The following ST6GALNAC3 variants were observed in gnomAD, a reference collection of about 807,000 sequenced individuals.
ST6GALNAC3 encodes ST6 N-acetylgalactosaminide alpha-2,6-sialyltransferase 3.
Under a neutral mutation model 32.7 loss-of-function variants are expected in ST6GALNAC3, and 25 were observed. The ratio of observed to expected loss-of-function variants is 0.76; its 90% CI spans 0.56 to 1.07. The LOEUF is 1.07. ST6GALNAC3 is among the 50% of genes least tolerant of loss of function. The pLI, the probability that ST6GALNAC3 is intolerant of heterozygous loss-of-function variation, is 0.00. For missense variants in ST6GALNAC3, 355 were observed against 382.4 expected (o/e 0.93, Z 0.60); for synonymous variants, 129 against 133.1 (o/e 0.97, Z 0.21).
At chr1:76,413,968 T>C (rs919006492) in intron 3 of ST6GALNAC3, among the ~76,000 whole-genome samples, 1 of 152,110 alleles carries the variant, frequency 6.6e-6, no homozygotes, top group Non-Finnish European at 1.5e-5. Context: ...GACATACCTA[T>C]AAGCCCTAGA....
chr1:76,543,510 T>A (rs559717935), intron 3 of ST6GALNAC3, among the ~76,000 whole-genome samples: 1 of 152,362 alleles, frequency 6.6e-6, no homozygotes, highest in African/African-American at 2.4e-5. Flanking sequence ...AATATGCAGA[T>A]AAATTATTCC....
chr1:76,175,407 C>T (rs551283347), intron 1 of ST6GALNAC3, among the ~76,000 whole-genome samples: 5 of 152,118 alleles, frequency 3.3e-5, no homozygotes, highest in African/African-American at 1.2e-4. Context: ...TTTGAGGCTA[C>T]GTATTACAAA....
At position 76,482,552 on chromosome 1, in the gene ST6GALNAC3, A is replaced by G. The variant is rs369751474; in HGVS notation, c.623+70135A>G. On this transcript the variant is annotated intron_variant, in intron 3 of 4. Transcript: ENST00000328299. The stretch of plus-strand genomic sequence containing the variant: ...CTCCACAGGCATTGTTGCATTTAAT[A>G]CAACAATTTTTAACAATTTTTAATA... 9.2e-5 allele frequency among the ~76,000 whole-genome samples: 14 copies of G among 152,232 alleles called. No individual in the cohort carries two copies. The East Asian group carries it at 2.7e-3, about 29-fold the overall frequency.
chr1:76,181,900 A>G (rs557475544), intron 1 of ST6GALNAC3, among the ~76,000 whole-genome samples: 1 of 152,354 alleles, frequency 6.6e-6, no homozygotes, highest in Non-Finnish European at 1.5e-5. Context: ...AACCAGCTGG[A>G]GGCAGATTTG....
intron 1 of ST6GALNAC3, among the ~76,000 whole-genome samples, chr1:76,110,556 A>G (rs1647851882): frequency 6.6e-6 from 1 of 152,252 alleles, no homozygotes; most frequent in South Asian, 2.1e-4. Context: ...AGCTCCCTGC[A>G]TCACTATAAA....
intron 3 of ST6GALNAC3, among the ~76,000 whole-genome samples, chr1:76,495,905 T>C (rs867666269): frequency 6.6e-6 from 1 of 152,160 alleles, no homozygotes; most frequent in Non-Finnish European, 1.5e-5. Context: ...AACCTTCCAA[T>C]TGAGTTTTGA....
intron 3 of ST6GALNAC3, among the ~76,000 whole-genome samples, chr1:76,579,782 GT>G (rs1646865830): frequency 6.6e-6 from 1 of 151,976 alleles, no homozygotes; most frequent in Non-Finnish European, 1.5e-5. Flanking sequence ...AGATCTAGAA[GT>G]TTTATTATAT....
chr1:76,195,280 A>G (rs1290508060), intron 1 of ST6GALNAC3, among the ~76,000 whole-genome samples: 2 of 152,228 alleles, frequency 1.3e-5, no homozygotes, highest in Non-Finnish European at 2.9e-5. Context: ...TCCTTTCAGG[A>G]AAAAATTATG....
intron 3 of ST6GALNAC3, among the ~76,000 whole-genome samples, chr1:76,521,724 T>A (rs1194586400): frequency 6.6e-6 from 1 of 152,204 alleles, no homozygotes; most frequent in Non-Finnish European, 1.5e-5. Context: ...ATTTTTGAGA[T>A]ATATTTTCAT....
chr1:76,195,534 G>T (rs1654154132), intron 1 of ST6GALNAC3, among the ~76,000 whole-genome samples: 1 of 152,218 alleles, frequency 6.6e-6, no homozygotes, highest in African/African-American at 2.4e-5. Context: ...TGGCTGTGAA[G>T]AGTACATGGC....
intron 3 of ST6GALNAC3, among the ~76,000 whole-genome samples, chr1:76,579,958 A>G (rs557911866): frequency 6.6e-6 from 1 of 152,176 alleles, no homozygotes; most frequent in East Asian, 1.9e-4. Context: ...TGGTATTCTT[A>G]TCTTCTCATA....
chr1:76,636,640 C>G (rs879140359), downstream of ST6GALNAC3, among the ~76,000 whole-genome samples: 1 of 152,054 alleles, frequency 6.6e-6, no homozygotes, highest in Non-Finnish European at 1.5e-5. Flanking sequence ...CTTTACTTCC[C>G]GAGACTTTCT....
intron 3 of ST6GALNAC3, among the ~76,000 whole-genome samples, chr1:76,468,933 A>G (rs1658837614): frequency 6.6e-6 from 1 of 151,910 alleles, no homozygotes; most frequent in African/African-American, 2.4e-5. Context: ...TGCAGGAAAA[A>G]ATAATTTCTT....
Position 76,116,425 on chromosome 1 carries a change from C to T in ST6GALNAC3, c.18+41541C>T, listed in dbSNP as rs151322346. Among the ~76,000 whole-genome samples, 5 of 152,174 alleles carry T rather than the reference C, an allele frequency of 3.3e-5. No homozygotes were observed. In the East Asian group the frequency reaches 9.7e-4, roughly 29 times the overall value. On this transcript the variant is annotated intron_variant, in intron 1 of 4. Coordinates refer to ENST00000328299, the MANE Select transcript of ST6GALNAC3 (RefSeq NM_152996.4). ...TTCCGCATTCTGGAAAATGCTTCTC[C>T]ATTTCTGTAGCTCCATGGTTACCAT...
At chr1:76,111,263 A>C (rs930189536) in intron 1 of ST6GALNAC3, among the ~76,000 whole-genome samples, 11 of 152,100 alleles carry the variant, frequency 7.2e-5, no homozygotes, top group African/African-American at 2.7e-4. Flanking sequence ...CTTGTATGGA[A>C]ATAAAATATT....
At chr1:76,426,654 A>G (rs2101414469) in intron 3 of ST6GALNAC3, among the ~76,000 whole-genome samples, 1 of 151,982 alleles carries the variant, frequency 6.6e-6, no homozygotes, top group East Asian at 1.9e-4. Flanking sequence ...ACATAAGCCT[A>G]GTAACATAGT....
intron 3 of ST6GALNAC3, among the ~76,000 whole-genome samples, chr1:76,586,120 G>C (rs1646958783): frequency 6.6e-6 from 1 of 152,110 alleles, no homozygotes; most frequent in Admixed American, 6.6e-5. Context: ...CTTCTTTTCA[G>C]AGCATGTGGC....
chr1:76,418,473 G>C (rs1166953689), intron 3 of ST6GALNAC3, among the ~76,000 whole-genome samples: 1 of 152,020 alleles, frequency 6.6e-6, no homozygotes, highest in Admixed American at 6.6e-5. Context: ...TAGTTTGCCC[G>C]AAGAAATGCC....
intron 2 of ST6GALNAC3, among the ~76,000 whole-genome samples, chr1:76,389,045 C>T (rs1341976926): frequency 3.5e-5 from 4 of 115,298 alleles, no homozygotes; most frequent in Admixed American, 1.0e-4. Context: ...GAGTCCCCCT[C>T]AGTAACCTAG....
Sources: gnomAD v4.1 joint callset for allele counts (sites outside exome capture counted in the v4.1 genomes callset) on GRCh38, gnomAD v4.1.1 for gene constraint, MANE v1.5 for transcripts, NCBI Gene and HGNC (gene_info 2026-07-23, HGNC 2026-07-21) for gene names.